Variants in FBXO3 observed in about 807,000 individuals in gnomAD.
The protein encoded by FBXO3 is F-box protein 3, also known as F-box only protein 3.
FBXO3 carries 17 observed loss-of-function variants against 64.8 expected under a neutral mutation model. The ratio of observed to expected loss-of-function variants is 0.26; its 90% CI spans 0.18 to 0.39. The LOEUF is 0.39. Among genes scored for constraint, FBXO3 ranks in the 10% least tolerant of loss-of-function variants. The pLI, the probability that FBXO3 is intolerant of heterozygous loss-of-function variation, is 1.00. For synonymous variants in FBXO3, 182 were observed against 201.6 expected (o/e 0.90, Z 0.82); for missense variants, 420 against 589.9 (o/e 0.71, Z 2.98).
chr11:33,754,461 TA>T lies in FBXO3; in HGVS notation c.717del (p.Phe239LeufsTer3). 1.9e-6 allele frequency: 3 copies of T among 1,584,338 alleles called. No homozygotes were observed. Among genetic ancestry groups the T allele is most frequent in the Non-Finnish European group, 2.6e-6 (3 of 1,167,612 alleles). Reference sequence around the variant, plus strand: ...AGACTTTTTTCTTTCCTACCTATAATAAACATGTCAATAGCAGCTGGATTTC... The same window carrying T: ...AGACTTTTTTCTTTCCTACCTATAATAACATGTCAATAGCAGCTGGATTTC... ...MARNPAAIDMFIIGATFTDWF... is the reference protein window; with the variant it reads ...MARNPAAIDMXIIGATFTDWF... On this transcript the variant is annotated frameshift_variant, in exon 6 of 11. Transcript: ENST00000265651. LOFTEE classifies it high-confidence loss of function.
At chr11:33,764,043 G>T (rs1163330336) in intron 3 of FBXO3, among the ~76,000 whole-genome samples, 1 of 152,162 alleles carries the variant, frequency 6.6e-6, no homozygotes, top group African/African-American at 2.4e-5. Context: ...TTACCCAGTA[G>T]AAATATACTC....
At chr11:33,763,629 A>C (rs866046733) in intron 3 of FBXO3, among the ~76,000 whole-genome samples, 2,057 of 67,406 alleles carry the variant, frequency 0.031, 44 homozygotes, top group African/African-American at 0.17. Context: ...ATATCTACAA[A>C]AAAAAAAAAA....
intron 10 of FBXO3, chr11:33,744,550 A>G (rs1004384538): frequency 5.9e-5 from 9 of 152,238 alleles, no homozygotes; most frequent in African/African-American, 2.2e-4. Context: ...AATTCTCCAT[A>G]TCAGAAAACT....
At chr11:33,757,329 C>T (rs1429748995) in intron 4 of FBXO3, among the ~76,000 whole-genome samples, 1 of 151,682 alleles carries the variant, frequency 6.6e-6, no homozygotes, top group Non-Finnish European at 1.5e-5. Context: ...GCATGGTCTA[C>T]TTTTACCCAA....
chr11:33,768,652 T>A, intron 3 of FBXO3, 199 bp downstream of exon 3: 3 of 553,358 alleles, frequency 5.4e-6, no homozygotes, highest in Non-Finnish European at 9.6e-6. Flanking sequence ...TAAATAACCA[T>A]GTGGGTCCCA....
chr11:33,758,472 C>A lies in FBXO3; in HGVS notation c.473+15G>T, dbSNP rs763892653. On this transcript the variant is annotated intron_variant, in intron 4 of 10. Transcript: ENST00000265651. ...CTTGCATCATTAAAAATAACCAAAA[C>A]ATTGAATATCTTACCCAGGAACCAC... is the stretch of plus-strand genomic sequence containing the variant. The A allele has an allele frequency of 1.3e-6, 2 of 1,544,610 alleles. No homozygotes were observed. The highest frequency in any genetic ancestry group is 1.8e-6 in the Non-Finnish European group (2 of 1,129,870).
At chr11:33,770,640 A>C in intron 2 of FBXO3, 101 bp downstream of exon 2, 1 of 832,076 alleles carries the variant, frequency 1.2e-6, no homozygotes, top group African/African-American at 1.7e-5. Context: ...CCACCAAAGG[A>C]GATAAAGAGA....
chr11:33,742,136 G>A (rs3794200), intron 10 of FBXO3, 52 bp from the exon 11 acceptor site: 380,447 of 1,422,860 alleles, frequency 0.27, 52,467 homozygotes, highest in African/African-American at 0.38. Context: ...CAGTTTTTTA[G>A]TTATTTCATG....
At chr11:33,748,948 T>G (rs567265464) in intron 8 of FBXO3, 56 bp from the exon 9 acceptor site, 1 of 1,201,190 alleles carries the variant, frequency 8.3e-7, no homozygotes, top group African/African-American at 1.5e-5. Context: ...GTTTCTTTGG[T>G]TTAAGAGATA....
At chr11:33,747,443 A>T in intron 9 of FBXO3, 123 bp from the exon 10 acceptor site, 1 of 757,116 alleles carries the variant, frequency 1.3e-6, no homozygotes, top group South Asian at 1.8e-5. Context: ...TTAGAAAAAA[A>T]AATTCCAAAA....
intron 3 of FBXO3, among the ~76,000 whole-genome samples, chr11:33,764,350 T>C (rs1261223626): frequency 1.3e-5 from 2 of 152,176 alleles, no homozygotes; most frequent in South Asian, 2.1e-4. Context: ...GGAAGGACTA[T>C]GAGGAGGGCT....
At chr11:33,761,595 T>C (rs978534236) in intron 3 of FBXO3, among the ~76,000 whole-genome samples, 12 of 152,242 alleles carry the variant, frequency 7.9e-5, no homozygotes, top group Admixed American at 3.3e-4. Context: ...TGTAGTTTTC[T>C]CCTGCTGTAA....
At chr11:33,746,583 G>A in intron 10 of FBXO3, 1 of 679,272 alleles carries the variant, frequency 1.5e-6, no homozygotes, top group Non-Finnish European at 2.6e-6. Context: ...TATAACTGGA[G>A]CTTCATAACT....
At chr11:33,764,555 T>TAA (rs566478410) in intron 3 of FBXO3, among the ~76,000 whole-genome samples, 22 of 148,484 alleles carry the variant, frequency 1.5e-4, no homozygotes, top group African/African-American at 4.7e-4. Flanking sequence ...GTTATCTTTC[T>TAA]AAAAAAAAAA....
At chr11:33,756,412 T>C (rs886792234) in intron 4 of FBXO3, among the ~76,000 whole-genome samples, 1 of 152,244 alleles carries the variant, frequency 6.6e-6, no homozygotes, top group African/African-American at 2.4e-5. Flanking sequence ...TTAAACCTTG[T>C]CCAAAGTTTC....
intron 3 of FBXO3, among the ~76,000 whole-genome samples, chr11:33,762,778 T>A (rs558041727): frequency 2.0e-5 from 3 of 148,468 alleles, no homozygotes; most frequent in African/African-American, 7.4e-5. Context: ...TCAAAGAAAT[T>A]AATGAAATAA....
chr11:33,770,717 A>C (rs1855491413), intron 2 of FBXO3, 24 bp downstream of exon 2: 8 of 1,586,378 alleles, frequency 5.0e-6, no homozygotes, highest in Non-Finnish European at 6.1e-6. Flanking sequence ...AGTTTTCAGA[A>C]GTACATATTC....
intron 3 of FBXO3, among the ~76,000 whole-genome samples, chr11:33,763,929 G>A (rs898219704): frequency 1.3e-5 from 2 of 152,180 alleles, no homozygotes; most frequent in African/African-American, 4.8e-5. Flanking sequence ...ACATTAAAGT[G>A]CTGGTAAGAA....
At chr11:33,757,142 C>A in intron 4 of FBXO3, 1 of 510,354 alleles carries the variant, frequency 2.0e-6, no homozygotes, top group South Asian at 1.4e-5. Context: ...TGATTCTTCA[C>A]ATACAAAGGA....
Sources: allele counts gnomAD v4.1 joint callset (sites outside exome capture counted in the v4.1 genomes callset), GRCh38; gene constraint gnomAD v4.1.1; transcripts MANE v1.5; gene names NCBI Gene and HGNC (gene_info 2026-07-23, HGNC 2026-07-21).